The following DLG2 variants were observed in gnomAD, a reference collection of about 807,000 sequenced individuals.
DLG2 encodes the protein discs large MAGUK scaffold protein 2.
DLG2 carries 45 observed loss-of-function variants against 132.5 expected under a neutral mutation model. The ratio of observed to expected loss-of-function variants is 0.34; its 90% confidence interval spans 0.27 to 0.44. The LOEUF (loss-of-function observed/expected upper bound fraction) is 0.44, where lower values mean the gene tolerates loss of function less well. Ranked by LOEUF, DLG2 falls within the 20% of genes least tolerant of loss-of-function variation. The pLI, the probability that DLG2 is intolerant of heterozygous loss-of-function variation, is 1.00. For missense variants in DLG2, 1,045 were observed against 1,196.9 expected (o/e 0.87, Z 1.87); for synonymous variants, 424 against 419.6 (o/e 1.01, Z -0.13).
At chr11:85,117,385 T>G (rs1289835007) in intron 5 of DLG2, among the ~76,000 whole-genome samples, 1 of 152,050 alleles carries the variant, frequency 6.6e-6, no homozygotes, top group African/African-American at 2.4e-5. Flanking sequence ...TATGAAGATT[T>G]TAAAAGTTAT....
intron 18 of DLG2, among the ~76,000 whole-genome samples, chr11:83,664,759 A>G (rs1021944062): frequency 2.0e-5 from 3 of 152,178 alleles, no homozygotes; most frequent in African/African-American, 7.2e-5. Context: ...TTTACCTTTG[A>G]AAAGCTAACT....
intron 16 of DLG2, among the ~76,000 whole-genome samples, chr11:83,846,077 C>G (rs1318044588): frequency 1.3e-5 from 2 of 152,148 alleles, no homozygotes; most frequent in Admixed American, 6.5e-5. Flanking sequence ...GATGAAAGAT[C>G]TCTGTGTTAA....
chr11:84,703,369 T>G (rs768122708), intron 6 of DLG2, among the ~76,000 whole-genome samples: 1 of 151,594 alleles, frequency 6.6e-6, no homozygotes, highest in African/African-American at 2.4e-5. Context: ...TGATCAACTT[T>G]TCTTTCCTCA....
At chr11:85,525,551 G>A (rs1436736522) in intron 3 of DLG2, among the ~76,000 whole-genome samples, 1 of 152,184 alleles carries the variant, frequency 6.6e-6, no homozygotes, top group Non-Finnish European at 1.5e-5. Flanking sequence ...ACTCCTGAGA[G>A]ATTTCTACTA....
At chr11:84,742,511 T>C (rs2064818613) in intron 6 of DLG2, among the ~76,000 whole-genome samples, 1 of 152,206 alleles carries the variant, frequency 6.6e-6, no homozygotes, top group South Asian at 2.1e-4. Context: ...AGCAATTTTA[T>C]ATTCAACAAC....
chr11:85,102,428 C>T (rs1233072688), intron 6 of DLG2, among the ~76,000 whole-genome samples: 3 of 151,794 alleles, frequency 2.0e-5, no homozygotes, highest in Non-Finnish European at 4.4e-5. Flanking sequence ...AAAAATAGCC[C>T]AGAGAAAGTC....
At chr11:84,514,239 G>T (rs778677271) in intron 7 of DLG2, among the ~76,000 whole-genome samples, 1 of 151,370 alleles carries the variant, frequency 6.6e-6, no homozygotes, top group Non-Finnish European at 1.5e-5. Context: ...GTAAACTGCT[G>T]TTGGGAATGT....
At chr11:83,641,594 G>A (rs150795731) in intron 18 of DLG2, among the ~76,000 whole-genome samples, 115 of 152,232 alleles carry the variant, frequency 7.6e-4, no homozygotes, top group African/African-American at 2.6e-3. Context: ...CAGGAAGGAC[G>A]TCATTAGGAA....
intron 6 of DLG2, among the ~76,000 whole-genome samples, chr11:85,029,902 T>A (rs1482803863): frequency 6.6e-6 from 1 of 152,096 alleles, no homozygotes. Context: ...GTATTTTTAG[T>A]AGAGATGTGG....
chr11:84,150,237 A>G (rs182258223), intron 9 of DLG2, among the ~76,000 whole-genome samples: 29 of 152,248 alleles, frequency 1.9e-4, no homozygotes, highest in Non-Finnish European at 1.3e-4. Flanking sequence ...GATTTCTTTC[A>G]GCAGTGTTTC....
intron 6 of DLG2, among the ~76,000 whole-genome samples, chr11:85,100,235 T>G (rs779430843): frequency 1.3e-5 from 2 of 152,128 alleles, no homozygotes; most frequent in Non-Finnish European, 1.5e-5. Flanking sequence ...ACATAGATTT[T>G]AAATGCAACC....
intron 11 of DLG2, among the ~76,000 whole-genome samples, chr11:84,014,050 T>C (rs748292319): frequency 6.6e-6 from 1 of 152,086 alleles, no homozygotes; most frequent in Non-Finnish European, 1.5e-5. Flanking sequence ...CCAAATAGAA[T>C]TGTATACATA....
intron 6 of DLG2, among the ~76,000 whole-genome samples, chr11:84,899,314 A>G (rs2090595997): frequency 6.6e-6 from 1 of 152,116 alleles, no homozygotes; most frequent in Non-Finnish European, 1.5e-5. Context: ...GTTGACCTAA[A>G]GAAAATCTAA....
chr11:84,165,352 A>T (rs1280800719), intron 8 of DLG2, among the ~76,000 whole-genome samples: 3 of 152,228 alleles, frequency 2.0e-5, no homozygotes, highest in African/African-American at 7.2e-5. Flanking sequence ...GTTGTGGCCT[A>T]TCAAAACCTA....
At chr11:84,452,140 G>A (rs1438828109) in intron 7 of DLG2, among the ~76,000 whole-genome samples, 1 of 151,336 alleles carries the variant, frequency 6.6e-6, no homozygotes, top group Non-Finnish European at 1.5e-5. Flanking sequence ...AGAAGGAGGA[G>A]GAGGAGATGA....
chr11:85,000,034 AC>A (rs1357339048), intron 6 of DLG2, among the ~76,000 whole-genome samples: 1 of 152,092 alleles, frequency 6.6e-6, no homozygotes, highest in African/African-American at 2.4e-5. Flanking sequence ...ATTCCTGTTA[AC>A]TGAGCATTAT....
rs185077098 is a variant in DLG2, at chr11:83,937,975, T to C, written c.1341-7492A>G. On this transcript the variant is annotated intron_variant, in intron 14 of 27. Transcript: ENST00000376104. Reference sequence around the variant, plus strand: ...AGCAATTCTACTCTAGTGTGCTATCTGAAGAAGAAAAATAAAAAATATGTA... The same window carrying C: ...AGCAATTCTACTCTAGTGTGCTATCCGAAGAAGAAAAATAAAAAATATGTA... Among the ~76,000 whole-genome samples, 10 of 152,218 alleles carry C rather than the reference T, an allele frequency of 6.6e-5. No homozygotes were observed. In the East Asian group the frequency reaches 1.9e-3, roughly 29 times the overall value.
At chr11:85,020,953 T>A (rs1381876634) in intron 6 of DLG2, 4 of 776,750 alleles carry the variant, frequency 5.1e-6, no homozygotes, top group African/African-American at 1.7e-5. Flanking sequence ...TTCACATTAG[T>A]CTCATCTTTC....
intron 6 of DLG2, among the ~76,000 whole-genome samples, chr11:84,961,491 C>T (rs117303683): frequency 0.016 from 2,419 of 151,288 alleles, 31 homozygotes; most frequent in Non-Finnish European, 0.026. Flanking sequence ...TAGCTATTGT[C>T]CCTACCTCCA....
Sources: gnomAD v4.1 joint callset for allele counts (sites outside exome capture counted in the v4.1 genomes callset) on GRCh38, gnomAD v4.1.1 for gene constraint, MANE v1.5 for transcripts, NCBI Gene and HGNC (gene_info 2026-07-23, HGNC 2026-07-21) for gene names.